Variants in PKD1L1 observed in about 807,000 individuals in gnomAD.
PKD1L1 encodes the protein polycystin 1 like 1, transient receptor potential channel interacting, also known as polycystin-1-like protein 1.
In PKD1L1, 236 loss-of-function variants were observed where a neutral mutation model predicts 323.4. The observed-to-expected ratio is 0.73, with a 90% CI of 0.66 to 0.81. The LOEUF (loss-of-function observed/expected upper bound fraction) is 0.81, where lower values mean the gene tolerates loss of function less well. PKD1L1 is among the 40% of genes least tolerant of loss of function. The pLI is 0.00. For synonymous variants in PKD1L1, 1,344 were observed against 1,335.0 expected, an observed-to-expected ratio of 1.01 and a Z score of -0.15; for missense variants, 3,320 against 3,508.0, an observed-to-expected ratio of 0.95 and a Z score of 1.35.
chr7:47,896,140 C>A lies in PKD1L1; in HGVS notation c.2271+1848G>T, dbSNP rs139807314. ...TTGCTTGAGCCCAGGAGTTCGAGAG[C>A]AGCCTGTGCAACAGGGTGAAACCCT... On this transcript the variant is annotated intron_variant, in intron 14 of 56. Transcript: ENST00000289672. Among the ~76,000 whole-genome samples, 3 of 152,062 alleles carry A rather than the reference C, an allele frequency of 2.0e-5. No individual in the cohort carries two copies. In the South Asian group the frequency reaches 6.2e-4, roughly 32 times the overall value.
intron 7 of PKD1L1, among the ~76,000 whole-genome samples, chr7:47,921,754 T>C (rs971833294): frequency 6.6e-6 from 1 of 152,046 alleles, no homozygotes; most frequent in East Asian, 1.9e-4. Context: ...CTGGATGAGA[T>C]TGGAGATTAT....
At chr7:47,916,041 C>A (rs143534301) in intron 7 of PKD1L1, among the ~76,000 whole-genome samples, 1 of 152,062 alleles carries the variant, frequency 6.6e-6, no homozygotes, top group African/African-American at 2.4e-5. Flanking sequence ...TATATATTTC[C>A]GATGCTATTC....
chr7:47,824,265 C>A (rs190135607), intron 45 of PKD1L1, among the ~76,000 whole-genome samples: 1 of 152,190 alleles, frequency 6.6e-6, no homozygotes, highest in African/African-American at 2.4e-5. Context: ...TGATTCCATA[C>A]CTATACTTTC....
intron 56 of PKD1L1, among the ~76,000 whole-genome samples, chr7:47,780,941 G>T (rs973297299): frequency 6.6e-6 from 1 of 152,134 alleles, no homozygotes; most frequent in East Asian, 1.9e-4. Flanking sequence ...ATTTCTGGGC[G>T]ATAAGTTTTC....
At chr7:47,809,944 G>C (rs1784859316) in intron 50 of PKD1L1, among the ~76,000 whole-genome samples, 1 of 152,190 alleles carries the variant, frequency 6.6e-6, no homozygotes. Context: ...GTGTACATGT[G>C]AAATAGATAA....
chr7:47,819,003 C>A (rs1290104259), intron 46 of PKD1L1, among the ~76,000 whole-genome samples: 1 of 152,096 alleles, frequency 6.6e-6, no homozygotes, highest in Non-Finnish European at 1.5e-5. Flanking sequence ...AGTTGGGGGC[C>A]CAGTCTCGGA....
intron 56 of PKD1L1, 58 bp from the exon 57 acceptor site, chr7:47,775,224 GAACA>G (rs1356237728): frequency 6.2e-7 from 1 of 1,604,988 alleles, no homozygotes; most frequent in Non-Finnish European, 8.5e-7. Context: ...GTGATTGACA[GAACA>G]AATAGGCAGA....
rs1787726562 is a variant in PKD1L1 at position 47,929,583 on chromosome 7, G to A, written c.738-57C>T. 5.4e-6 allele frequency: 8 copies of A among 1,483,910 alleles called. No individual in the cohort carries two copies. In the South Asian group the frequency reaches 1.0e-4, roughly 19 times the overall value. The allele number at this position is 1,483,910 out of a possible 1,614,324, so 91.9% of individuals were successfully genotyped here. The stretch of plus-strand genomic sequence containing the variant: ...ATGACAGTGGACCACTGGGGTGGGA[G>A]GGCAGAAGCCAAGCAGCCTGGCCTG... On this transcript the variant is annotated intron_variant, in intron 6 of 56. Coordinates refer to ENST00000289672, the MANE Select transcript of PKD1L1 (RefSeq NM_138295.5).
chr7:47,936,874 G>A lies in PKD1L1; in HGVS notation c.370C>T (p.Pro124Ser). The A allele has an allele frequency of 6.2e-7, 1 of 1,613,652 alleles. No homozygotes were observed. Among genetic ancestry groups the A allele is most frequent in the Non-Finnish European group, 8.5e-7 (1 of 1,179,902 alleles). Reference protein sequence around the residue: ...QAVVNEKTQAPLDCDNSADRI... With the variant: ...QAVVNEKTQASLDCDNSADRI... ...TCAGCACTGTTATCACAATCCAGAG[G>A]CGCCTGTGTTTTTTCATTAACAACA... Residue 124 changes from proline (P) to serine (S), a missense_variant, in exon 4 of 57, where the codon CCT becomes TCT. Coordinates refer to ENST00000289672, the MANE Select transcript of PKD1L1 (RefSeq NM_138295.5).
chr7:47,957,428 TAA>T, the PKD1L1 span: 1 of 152,202 alleles, frequency 6.6e-6, no homozygotes, highest in African/African-American at 2.4e-5. Context: ...GAGAAAATCC[TAA>T]AGACTCCACC....
intron 51 of PKD1L1, 60 bp from the exon 52 acceptor site, chr7:47,808,447 C>T: frequency 6.3e-7 from 1 of 1,594,138 alleles, no homozygotes; most frequent in Admixed American, 1.7e-5. Context: ...ACCTGGCACC[C>T]CATGTGACAC....
intron 7 of PKD1L1, 131 bp from the exon 8 acceptor site, chr7:47,915,730 A>T: frequency 3.6e-6 from 2 of 561,940 alleles, no homozygotes; most frequent in South Asian, 5.3e-5. Context: ...CCAATTAAGG[A>T]AGGAAAAAGA....
At chr7:47,816,159 G>A (rs544763904) in intron 46 of PKD1L1, among the ~76,000 whole-genome samples, 82 of 152,358 alleles carry the variant, frequency 5.4e-4, no homozygotes, top group African/African-American at 1.9e-3. Context: ...CCGACTGGGC[G>A]CAGCATGTGA....
intron 2 of PKD1L1, among the ~76,000 whole-genome samples, chr7:47,941,663 T>C (rs1787988369): frequency 6.6e-6 from 1 of 152,092 alleles, no homozygotes; most frequent in Non-Finnish European, 1.5e-5. Flanking sequence ...CCAACTGAGG[T>C]ATGAAGTAAT....
At chr7:47,777,096 TG>T (rs2128720453) in intron 56 of PKD1L1, among the ~76,000 whole-genome samples, 1 of 152,322 alleles carries the variant, frequency 6.6e-6, no homozygotes, top group African/African-American at 2.4e-5. Context: ...TTTGCCATGT[TG>T]GCCAGGCCGG....
intron 8 of PKD1L1, among the ~76,000 whole-genome samples, chr7:47,910,082 T>C (rs1696522313): frequency 6.6e-6 from 1 of 152,210 alleles, no homozygotes; most frequent in African/African-American, 2.4e-5. Flanking sequence ...CTCTTAACTG[T>C]GTCCAAAATA....
At chr7:47,960,674 A>T in the PKD1L1 span, among the ~76,000 whole-genome samples, 2 of 147,040 alleles carry the variant, frequency 1.4e-5, no homozygotes, top group Non-Finnish European at 1.5e-5. Flanking sequence ...AGGAGCAGAA[A>T]TAAATAATTT....
intron 31 of PKD1L1, among the ~76,000 whole-genome samples, chr7:47,851,260 G>A (rs1010612408): frequency 2.0e-5 from 3 of 152,334 alleles, no homozygotes; most frequent in East Asian, 1.9e-4. Flanking sequence ...GCCAGGACAC[G>A]CTGGTGTCCC....
chr7:47,927,884 A>G (rs1787685397), intron 7 of PKD1L1, among the ~76,000 whole-genome samples: 1 of 152,214 alleles, frequency 6.6e-6, no homozygotes, highest in African/African-American at 2.4e-5. Context: ...ATTCACTGCA[A>G]TGTTGTTTGC....
Sources: allele counts gnomAD v4.1 joint callset (sites outside exome capture counted in the v4.1 genomes callset), GRCh38; gene constraint gnomAD v4.1.1; transcripts MANE v1.5; gene names NCBI Gene and HGNC (gene_info 2026-07-23, HGNC 2026-07-21).